Variants in TMEM11 observed in about 807,000 individuals in gnomAD.
The protein encoded by TMEM11 is transmembrane protein 11.
A neutral mutation model predicts 17.0 loss-of-function variants in TMEM11; 1 was observed. That is an observed-to-expected ratio of 0.06 (90% CI 0.02 to 0.28). The LOEUF is 0.28. TMEM11 is among the 10% of genes least tolerant of loss of function. The pLI is 1.00. For synonymous variants in TMEM11, 122 were observed against 118.1 expected, an observed-to-expected ratio of 1.03 and a Z score of -0.21; for missense variants, 172 against 252.9, an observed-to-expected ratio of 0.68 and a Z score of 2.17.
chr17:21,204,057 G>C (rs1415788641), intron 1 of TMEM11, among the ~76,000 whole-genome samples: 3 of 130,374 alleles, frequency 2.3e-5, no homozygotes, highest in Non-Finnish European at 3.2e-5. Context: ...CTAAGGGACT[G>C]TATTTTTGCT....
intron 1 of TMEM11, chr17:21,211,264 A>T (rs2144312220): frequency 7.8e-7 from 1 of 1,279,014 alleles, no homozygotes; most frequent in African/African-American, 1.5e-5. Context: ...ATCAACATGC[A>T]AGCACTACCA....
In TMEM11 at chr17:21,198,121, C is replaced by A; in HGVS notation, c.*203G>T. On this transcript the variant is annotated 3_prime_UTR_variant, in exon 2 of 2. Coordinates refer to ENST00000317635, the MANE Select transcript of TMEM11 (RefSeq NM_003876.3). This position sits in a 1 kb window ranked among gnomAD's most constrained non-coding sequence, Gnocchi z 6.5. The stretch of plus-strand genomic sequence containing the variant: ...TCGGACTTCCACAGCCTCAGACCCC[C>A]CTCTTGGGTTATGGAAATCCACATC... 9.2e-6 allele frequency: 6 copies of A among 649,062 alleles called. No individual in the cohort carries two copies. Among genetic ancestry groups the A allele is most frequent in the Non-Finnish European group, 1.3e-5 (5 of 395,114 alleles). The allele number at this position is 649,062 out of a possible 1,614,324, so 40.2% of individuals were successfully genotyped here. A position where few individuals can be genotyped will look rare whatever the true frequency, so the allele number is the denominator to read the frequency against.
intron 1 of TMEM11, among the ~76,000 whole-genome samples, chr17:21,211,730 G>C (rs1223115772): frequency 6.6e-6 from 1 of 152,222 alleles, no homozygotes; most frequent in East Asian, 1.9e-4. Context: ...GTGTCACTCT[G>C]TTCTAGCCCC....
At position 21,198,956 on chromosome 17, in the gene TMEM11, A is replaced by T; in HGVS notation, c.63-116T>A. 2 of 1,129,104 alleles carry T rather than the reference A, an allele frequency of 1.8e-6. No homozygotes were observed. Among genetic ancestry groups the T allele is most frequent in the Non-Finnish European group, 2.5e-6 (2 of 808,584 alleles). 69.9% of individuals were successfully genotyped at this position (1,129,104 alleles called of 1,614,324 possible). A position where few individuals can be genotyped will look rare whatever the true frequency, so the allele number is the denominator to read the frequency against. On this transcript the variant is annotated intron_variant, in intron 1 of 1. Transcript: ENST00000317635. The surrounding 1 kb of genome is among the most constrained non-coding windows in gnomAD (Gnocchi z 6.5). Reference sequence around the variant, plus strand: ...GGTCTGAGCCTGCACTGCGGAGAGCACATCTCACTTGGGTCCTCATCTCCT... The same window carrying T: ...GGTCTGAGCCTGCACTGCGGAGAGCTCATCTCACTTGGGTCCTCATCTCCT...
intron 1 of TMEM11, among the ~76,000 whole-genome samples, chr17:21,202,477 C>A (rs759006631): frequency 6.6e-6 from 1 of 152,172 alleles, no homozygotes; most frequent in Non-Finnish European, 1.5e-5. Context: ...CACTGTTGGT[C>A]CCACAGAGGA....
At chr17:21,205,041 T>C (rs936477621) in intron 1 of TMEM11, among the ~76,000 whole-genome samples, 7 of 152,106 alleles carry the variant, frequency 4.6e-5, no homozygotes, top group Admixed American at 1.3e-4. Context: ...CTCTCCACTT[T>C]TGAGCCCAAC....
chr17:21,210,797 C>T (rs1167198996), intron 1 of TMEM11: 8 of 912,386 alleles, frequency 8.8e-6, no homozygotes, highest in East Asian at 6.4e-5. Context: ...AATAACTTCG[C>T]GCTAAACCTG....
At position 21,198,335 on chromosome 17, in the gene TMEM11, A is replaced by G; in HGVS notation, c.568T>C (p.Tyr190His). 1 of 1,611,780 alleles carries G rather than the reference A, an allele frequency of 6.2e-7. No individual in the cohort carries two copies. Among genetic ancestry groups the G allele is most frequent in the Non-Finnish European group, 8.5e-7 (1 of 1,178,046 alleles). Residue 190 changes from tyrosine to histidine, a missense_variant, in exon 2 of 2, where the codon TAT becomes CAT. Transcript: ENST00000317635. The surrounding 1 kb of genome is among the most constrained non-coding windows in gnomAD (Gnocchi z 6.5). ...VYCVKKIYEL[Y>H]AV ...CTGTTCTACTGAAATCATACGGCAT[A>G]GAGTTCGTAAATCTTCTTTACACAG...
intron 1 of TMEM11, among the ~76,000 whole-genome samples, chr17:21,205,373 A>C (rs1567636347): frequency 6.6e-6 from 1 of 152,190 alleles, no homozygotes; most frequent in Non-Finnish European, 1.5e-5. Context: ...CTAAGGCGGC[A>C]GAGCTCAGGG....
chr17:21,205,617 A>G lies in TMEM11; in HGVS notation c.63-6777T>C, dbSNP rs1974934050. The stretch of plus-strand genomic sequence containing the variant: ...GTTCAGAGGCACTAAGCACATGCAC[A>G]CTGATGTACCAACCATCACCACCAT... On this transcript the variant is annotated intron_variant, in intron 1 of 1. Transcript: ENST00000317635. Among the ~76,000 whole-genome samples the G allele has an allele frequency of 2.0e-5, 3 of 152,068 alleles. No individual in the cohort carries two copies. The South Asian group carries it at 6.2e-4, about 32-fold the overall frequency.
chr17:21,207,330 GA>G (rs562914990), intron 1 of TMEM11, among the ~76,000 whole-genome samples: 77 of 151,814 alleles, frequency 5.1e-4, no homozygotes, highest in African/African-American at 1.8e-3. Flanking sequence ...AGGACTTCAA[GA>G]CCAGGCTGGC....
intron 1 of TMEM11, among the ~76,000 whole-genome samples, chr17:21,209,537 C>T (rs932794195): frequency 2.0e-5 from 3 of 152,184 alleles, no homozygotes; most frequent in Admixed American, 6.5e-5. Context: ...GAGGCCAGGG[C>T]GGGTGGATTC....
chr17:21,202,389 C>T (rs1035217396), intron 1 of TMEM11, among the ~76,000 whole-genome samples: 5 of 152,182 alleles, frequency 3.3e-5, no homozygotes, highest in African/African-American at 9.7e-5. Context: ...ACAATGTTCT[C>T]GCCAACACCC....
chr17:21,212,200 T>G (rs911970005), intron 1 of TMEM11, among the ~76,000 whole-genome samples: 1 of 151,548 alleles, frequency 6.6e-6, no homozygotes, highest in African/African-American at 2.4e-5. Context: ...TCTAGGAGAG[T>G]AGATGGTGAC....
At chr17:21,201,458 C>T (rs573401689) in intron 1 of TMEM11, among the ~76,000 whole-genome samples, 1 of 152,254 alleles carries the variant, frequency 6.6e-6, no homozygotes, top group African/African-American at 2.4e-5. Context: ...AGTGTCACGG[C>T]TGCCTCGCCA....
chr17:21,207,119 C>T (rs1207332344), intron 1 of TMEM11, among the ~76,000 whole-genome samples: 1 of 152,210 alleles, frequency 6.6e-6, no homozygotes, highest in Non-Finnish European at 1.5e-5. Context: ...TGGTCTTCAA[C>T]AACTGGCTTC....
At chr17:21,200,320 G>C (rs1175090012) in intron 1 of TMEM11, among the ~76,000 whole-genome samples, 2 of 152,226 alleles carry the variant, frequency 1.3e-5, no homozygotes, top group Non-Finnish European at 2.9e-5. Flanking sequence ...GCTGGTTTCA[G>C]CTGAGACAGA....
intron 1 of TMEM11, among the ~76,000 whole-genome samples, chr17:21,204,458 A>AAAAAAAAG (rs1555542254): frequency 6.8e-6 from 1 of 146,808 alleles, no homozygotes; most frequent in African/African-American, 2.6e-5. Flanking sequence ...AAAAAAAAAA[A>AAAAAAAAG]AGAGAAAAAG....
In TMEM11 at chr17:21,198,629, AG is replaced by A. The variant is rs758718626; in HGVS notation, c.273del (p.Cys92AlafsTer10). 6.2e-7 allele frequency: 1 copy of A among 1,612,310 alleles called. No homozygotes were observed. The highest frequency in any genetic ancestry group is 1.7e-5 in the Admixed American group (1 of 60,018). On this transcript the variant is annotated frameshift_variant, in exon 2 of 2. Transcript: ENST00000317635. LOFTEE classifies it high-confidence loss of function. This position sits in a 1 kb window ranked among gnomAD's most constrained non-coding sequence, Gnocchi z 6.5. The stretch of plus-strand genomic sequence containing the variant: ...GGCAGCGCCAACGGGGTGAAGAGGC[AG>A]GCGGTGCCCGCCAGCACGGCCGTCT... ...LHKTAVLAGT[A>X]CLFTPLALPL... is the part of the protein sequence containing the mutation.
Sources: allele counts gnomAD v4.1 joint callset (sites outside exome capture counted in the v4.1 genomes callset), GRCh38; gene constraint gnomAD v4.1.1; non-coding constraint Gnocchi (gnomAD v3.1); transcripts MANE v1.5; gene names NCBI Gene and HGNC (gene_info 2026-07-23, HGNC 2026-07-21).